Variants in WWTR1 observed in about 807,000 individuals in gnomAD.
WWTR1 encodes the protein WW domain-containing transcription regulator protein 1.
Under a neutral mutation model 40.1 loss-of-function variants are expected in WWTR1, and 13 were observed. That is an observed-to-expected ratio of 0.32 (90% CI 0.21 to 0.52). The LOEUF is 0.52. WWTR1 is among the 20% of genes least tolerant of loss of function. The pLI is 0.97. For missense variants in WWTR1, 436 were observed against 523.1 expected (o/e 0.83, Z 1.63); for synonymous variants, 230 against 210.1 (o/e 1.09, Z -0.82).
chr3:149,541,608 G>A (rs923283746), intron 4 of WWTR1, among the ~76,000 whole-genome samples: 2 of 151,880 alleles, frequency 1.3e-5, no homozygotes, highest in African/African-American at 2.4e-5. Flanking sequence ...GAATCTCGGG[G>A]GGTTCTCTGT....
chr3:149,524,327 G>GTTTTTTTTTTTTTTTTTTTTTT, intron 6 of WWTR1, among the ~76,000 whole-genome samples: 1 of 139,292 alleles, frequency 7.2e-6, no homozygotes, highest in African/African-American at 2.7e-5. Context: ...CTCTTTTATG[G>GTTTTTTTTTTTTTTTTTTTTTT]TTTTTTTTTT....
At chr3:149,671,638 A>G (rs35823049) in intron 1 of WWTR1, among the ~76,000 whole-genome samples, 22,057 of 152,204 alleles carry the variant, frequency 0.14, 1,991 homozygotes, top group Admixed American at 0.26. Context: ...GAAATATCCA[A>G]TTGAATCTAA....
chr3:149,699,001 C>G (rs1343146041), intron 1 of WWTR1, among the ~76,000 whole-genome samples: 2 of 152,182 alleles, frequency 1.3e-5, no homozygotes, highest in African/African-American at 4.8e-5. Flanking sequence ...TTCCCATTGT[C>G]TTGGCTGTTA....
chr3:149,543,597 A>AAAAG (rs1553789349), intron 3 of WWTR1, among the ~76,000 whole-genome samples: 12 of 146,652 alleles, frequency 8.2e-5, no homozygotes, highest in South Asian at 4.4e-4. Flanking sequence ...AAAAAAAAAA[A>AAAAG]AAAAAAGAAC....
At chr3:149,633,990 T>A (rs1383085029) in intron 2 of WWTR1, among the ~76,000 whole-genome samples, 4 of 151,954 alleles carry the variant, frequency 2.6e-5, no homozygotes, top group East Asian at 1.9e-4. Flanking sequence ...CTGGCTGTGG[T>A]GTGCAAAGGA....
At chr3:149,661,670 C>T (rs1713581532), upstream of WWTR1, among the ~76,000 whole-genome samples, 2 of 151,820 alleles carry the variant, frequency 1.3e-5, no homozygotes, top group Non-Finnish European at 1.5e-5. Context: ...GTGATCCGCC[C>T]ACCTTGGCCT....
chr3:149,637,945 G>T (rs1056860938), intron 2 of WWTR1, among the ~76,000 whole-genome samples: 3 of 152,294 alleles, frequency 2.0e-5, no homozygotes, highest in East Asian at 3.9e-4. Context: ...AACCAGGCAC[G>T]GTGGCTCACG....
At chr3:149,614,131 T>C (rs1312682955) in intron 2 of WWTR1, among the ~76,000 whole-genome samples, 2 of 152,174 alleles carry the variant, frequency 1.3e-5, no homozygotes, top group East Asian at 3.9e-4. Context: ...GAAAATCAGT[T>C]CCTCTGAGAG....
intron 3 of WWTR1, among the ~76,000 whole-genome samples, chr3:149,559,745 A>T (rs755577198): frequency 3.3e-5 from 5 of 152,232 alleles, no homozygotes; most frequent in Non-Finnish European, 7.3e-5. Context: ...AATGCTTTTG[A>T]TAACTGATTG....
chr3:149,561,554 C>T (rs1737078709), intron 3 of WWTR1, among the ~76,000 whole-genome samples: 1 of 152,182 alleles, frequency 6.6e-6, no homozygotes, highest in Non-Finnish European at 1.5e-5. Flanking sequence ...TTATCCTATA[C>T]ATAAACAGCA....
chr3:149,695,319 A>G (rs1406022003), intron 1 of WWTR1, among the ~76,000 whole-genome samples: 1 of 152,196 alleles, frequency 6.6e-6, no homozygotes, highest in African/African-American at 2.4e-5. Context: ...CTGAATGTTT[A>G]TATCACAGAG....
intron 4 of WWTR1, chr3:149,723,974 C>T (rs1259410431): frequency 6.6e-6 from 1 of 152,216 alleles, no homozygotes; most frequent in Non-Finnish European, 1.5e-5. Flanking sequence ...GGGTGGTTAG[C>T]TGCTACTGTG....
At chr3:149,632,319 T>C (rs1711586022) in intron 2 of WWTR1, among the ~76,000 whole-genome samples, 1 of 152,248 alleles carries the variant, frequency 6.6e-6, no homozygotes, top group South Asian at 2.1e-4. Flanking sequence ...AGCATAGCTC[T>C]GACTCTAAGG....
chr3:149,548,853 T>G (rs1459634819), intron 3 of WWTR1, among the ~76,000 whole-genome samples: 1 of 152,232 alleles, frequency 6.6e-6, no homozygotes, highest in African/African-American at 2.4e-5. Context: ...GTTTTGTTAA[T>G]GTGTCAGAGG....
intron 1 of WWTR1, among the ~76,000 whole-genome samples, chr3:149,700,594 A>AAAATTAAATTAAATTAAATT (rs147804619): frequency 2.6e-5 from 4 of 151,780 alleles, no homozygotes; most frequent in African/African-American, 9.7e-5. Context: ...AAAAGACAAA[A>AAAATTAAATTAAATTAAATT]AAATTAAATT....
chr3:149,649,282 G>A (rs1013350722), intron 2 of WWTR1, among the ~76,000 whole-genome samples: 8 of 152,304 alleles, frequency 5.3e-5, no homozygotes, highest in East Asian at 1.9e-4. Flanking sequence ...GTGAGCCACC[G>A]CGCCCAGCCA....
chr3:149,539,880 A>C (rs1191452786), intron 4 of WWTR1, among the ~76,000 whole-genome samples: 1 of 152,092 alleles, frequency 6.6e-6, no homozygotes, highest in Non-Finnish European at 1.5e-5. Flanking sequence ...CCAGAAAACT[A>C]TTATAGAACA....
At chr3:149,645,394 A>T (rs957430655) in intron 2 of WWTR1, among the ~76,000 whole-genome samples, 1 of 151,112 alleles carries the variant, frequency 6.6e-6, no homozygotes, top group Non-Finnish European at 1.5e-5. Context: ...CTGCTCTTAA[A>T]CTCCTGACCT....
At chr3:149,654,454 C>T (rs954965542) in intron 2 of WWTR1, among the ~76,000 whole-genome samples, 2 of 152,202 alleles carry the variant, frequency 1.3e-5, no homozygotes, top group African/African-American at 2.4e-5. Flanking sequence ...AGCAGGCCAG[C>T]CTACTACTTA....
Sources: gnomAD v4.1 joint callset for allele counts (sites outside exome capture counted in the v4.1 genomes callset) on GRCh38, gnomAD v4.1.1 for gene constraint, MANE v1.5 for transcripts, NCBI Gene and HGNC (gene_info 2026-07-23, HGNC 2026-07-21) for gene names.